The following TMEM222 variants were observed in gnomAD, a reference collection of about 807,000 sequenced individuals.
TMEM222 encodes the protein transmembrane protein 222, also known as chromosome 1 open reading frame 160.
Under a neutral mutation model 25.1 loss-of-function variants are expected in TMEM222, and 18 were observed. The ratio of observed to expected loss-of-function variants is 0.72; its 90% CI spans 0.50 to 1.06. TMEM222 has a LOEUF of 1.06. TMEM222 is among the 50% of genes least tolerant of loss of function. The probability of loss-of-function intolerance (pLI) is 0.00; values close to 1 mark genes in which losing one functional copy is unlikely to be tolerated. For missense variants in TMEM222, 296 were observed against 293.7 expected (o/e 1.01, Z -0.06); for synonymous variants, 131 against 117.9 (o/e 1.11, Z -0.72).
At position 27,335,892 on chromosome 1, in the gene TMEM222, G is replaced by A. The variant is rs138496948; in HGVS notation, c.*426G>A. On this transcript the variant is annotated 3_prime_UTR_variant, in exon 6 of 6. Coordinates refer to ENST00000374076, the MANE Select transcript of TMEM222 (RefSeq NM_032125.3). ...ATGGGGTGCACCGGGTACACTTAACGTGTCTCTATAAGCCAAGTTGCTTCA... is the reference window on the plus strand; with the variant it reads ...ATGGGGTGCACCGGGTACACTTAACATGTCTCTATAAGCCAAGTTGCTTCA... 1.9e-3 allele frequency: 383 copies of A among 201,754 alleles called. 5 individuals carry two copies. Among genetic ancestry groups the A allele is most frequent in the African/African-American group, 8.1e-3 (354 of 43,720 alleles). The allele number at this position is 201,754 out of a possible 1,614,324, so 12.5% of individuals were successfully genotyped here. A position where few individuals can be genotyped will look rare whatever the true frequency, so the allele number is the denominator to read the frequency against.
rs891057048 is a variant in TMEM222, at chr1:27,322,251, G to A, written c.54G>A (p.Pro18=). 1.3e-6 allele frequency: 2 copies of A among 1,523,010 alleles called. No individual in the cohort carries two copies. Among genetic ancestry groups the A allele is most frequent in the African/African-American group, 2.8e-5 (2 of 71,464 alleles). The allele number at this position is 1,523,010 out of a possible 1,614,324, so 94.3% of individuals were successfully genotyped here. The change falls in exon 1 of 6, where the codon CCG becomes CCA. Residue 18 remains proline, a synonymous_variant. Coordinates refer to ENST00000374076, the MANE Select transcript of TMEM222 (RefSeq NM_032125.3). ...TCTTGTTGCCGCCGCCGCCACCCCCGCCCAGGATGGCGGAAGTGGAGGCGC... is the reference window on the plus strand; with the variant it reads ...TCTTGTTGCCGCCGCCGCCACCCCCACCCAGGATGGCGGAAGTGGAGGCGC... ...SLLLLPPPPP[P]PRMAEVEAPT... is the part of the protein sequence containing the mutation.
In TMEM222 at chr1:27,327,650, A is replaced by G. The variant is rs2014384766; in HGVS notation, c.195-3070A>G. Among the ~76,000 whole-genome samples the G allele has an allele frequency of 2.6e-5, 4 of 152,176 alleles. No homozygotes were observed. In the South Asian group the frequency reaches 8.3e-4, roughly 32 times the overall value. ...GTCATCCACCGGCCTCTGCCTCCCA[A>G]AGTGCTGGGATTACAGGCGTGAGCC... On this transcript the variant is annotated intron_variant, in intron 1 of 5. Transcript: ENST00000374076.
At position 27,335,372 on chromosome 1, in the gene TMEM222, C is replaced by A; in HGVS notation, c.540-7C>A. The A allele has an allele frequency of 6.2e-7, 1 of 1,614,182 alleles. No individual in the cohort carries two copies. Among genetic ancestry groups the A allele is most frequent in the Non-Finnish European group, 8.5e-7 (1 of 1,179,968 alleles). The stretch of plus-strand genomic sequence containing the variant: ...CCCACCTATGCTCGCTCCTTTCTCT[C>A]TGTCAGCGTTGGGGCCTTCGTGAAG... On this transcript the variant is annotated splice_polypyrimidine_tract_variant and splice_region_variant and intron_variant, in intron 5 of 5. Transcript: ENST00000374076.
intron 3 of TMEM222, chr1:27,333,754 A>T: frequency 1.7e-6 from 1 of 588,264 alleles, no homozygotes; most frequent in Non-Finnish European, 3.0e-6. Context: ...ATTTCATTCC[A>T]TATCCCCCCA....
At chr1:27,333,686 G>C (rs2014536111) in intron 3 of TMEM222, 2 of 498,104 alleles carry the variant, frequency 4.0e-6, no homozygotes. Flanking sequence ...TCACCTTGAG[G>C]GTTAAGATTT....
At chr1:27,332,477 A>C (rs2014505068) in intron 3 of TMEM222, 1 of 718,054 alleles carries the variant, frequency 1.4e-6, no homozygotes, top group Admixed American at 2.0e-5. Flanking sequence ...GGAACAAATG[A>C]GGCATGGAAG....
intron 3 of TMEM222, chr1:27,332,637 C>T: frequency 1.5e-6 from 1 of 657,344 alleles, no homozygotes; most frequent in Non-Finnish European, 2.8e-6. Flanking sequence ...AGCTGTGGGC[C>T]TGGTGAGAGT....
rs183671069 is a variant in TMEM222 at position 27,333,830 on chromosome 1, A to G, written c.312-128A>G. On this transcript the variant is annotated intron_variant, in intron 3 of 5. Transcript: ENST00000374076. ...TTGACTGCCACATAACACTTGCCCC[A>G]GATCTGGCTTACTGTACATCTCAGC... is the stretch of plus-strand genomic sequence containing the variant. 1.8e-3 allele frequency: 1,326 copies of G among 742,112 alleles called. 1 individual carries two copies. The highest frequency in any genetic ancestry group is 2.6e-3 in the Non-Finnish European group (1,175 of 451,434). The allele number at this position is 742,112 out of a possible 1,614,324, so 46.0% of individuals were successfully genotyped here.
chr1:27,323,199 C>T (rs571008920), intron 1 of TMEM222, among the ~76,000 whole-genome samples: 32 of 152,320 alleles, frequency 2.1e-4, no homozygotes, highest in Non-Finnish European at 4.1e-4. Context: ...CTGCTTGTAG[C>T]ATTAAGTGTC....
Position 27,322,193 on chromosome 1 carries a change from G to T in TMEM222, c.-5G>T. The T allele has an allele frequency of 7.2e-7, 1 of 1,384,036 alleles. No homozygotes were observed. The highest frequency in any genetic ancestry group is 9.5e-7 in the Non-Finnish European group (1 of 1,058,150). 85.7% of individuals were successfully genotyped at this position (1,384,036 alleles called of 1,614,324 possible). On this transcript the variant is annotated 5_prime_UTR_variant, in exon 1 of 6. Coordinates refer to ENST00000374076, the MANE Select transcript of TMEM222 (RefSeq NM_032125.3). Reference sequence around the variant, plus strand: ...CGGGGCCAGTCGGAGCGGGGCGCGCGCCGCATGGCGGAAGCGGAAGGGAGT... The same window carrying T: ...CGGGGCCAGTCGGAGCGGGGCGCGCTCCGCATGGCGGAAGCGGAAGGGAGT...
At chr1:27,334,097 C>G in intron 4 of TMEM222, 43 bp downstream of exon 4, 1 of 1,613,972 alleles carries the variant, frequency 6.2e-7, no homozygotes, top group Non-Finnish European at 8.5e-7. Flanking sequence ...AGGTGGGGAC[C>G]AGGGGGGAGG....
intron 1 of TMEM222, 41 bp from the exon 2 acceptor site, chr1:27,330,679 A>T (rs998056031): frequency 1.3e-6 from 2 of 1,558,142 alleles, no homozygotes; most frequent in African/African-American, 1.4e-5. Context: ...TGGCTGAAAG[A>T]TCCCCTAAGC....
intron 3 of TMEM222, chr1:27,332,464 T>A (rs1264477536): frequency 2.8e-6 from 2 of 718,058 alleles, no homozygotes; most frequent in Non-Finnish European, 5.2e-6. Flanking sequence ...CTCCTGCCCT[T>A]TGGGAACAAA....
chr1:27,330,828 G>T, intron 2 of TMEM222, 24 bp downstream of exon 2: 1 of 1,611,530 alleles, frequency 6.2e-7, no homozygotes, highest in Non-Finnish European at 8.5e-7. Context: ...CTGCCCACCC[G>T]GGGGGTTCCA....
At chr1:27,333,313 C>T (rs568014654) in intron 3 of TMEM222, 1 of 471,014 alleles carries the variant, frequency 2.1e-6, no homozygotes, top group South Asian at 1.5e-5. Flanking sequence ...GAATGCCCAC[C>T]TCTTCTTTCT....
intron 2 of TMEM222, among the ~76,000 whole-genome samples, chr1:27,331,340 G>T (rs558355325): frequency 9.2e-5 from 14 of 152,282 alleles, no homozygotes; most frequent in East Asian, 3.9e-4. Flanking sequence ...GACTGAAGGG[G>T]TGTGGTGGCA....
rs1384450602 is a variant in TMEM222, at chr1:27,334,772, C to T, written c.539+491C>T. 12 of 1,148,114 alleles carry T rather than the reference C, an allele frequency of 1.0e-5. No individual in the cohort carries two copies. In the East Asian group the frequency reaches 1.8e-4, roughly 17 times the overall value. 71.1% of individuals were successfully genotyped at this position (1,148,114 alleles called of 1,614,324 possible). On this transcript the variant is annotated intron_variant, in intron 5 of 5. Coordinates refer to ENST00000374076, the MANE Select transcript of TMEM222 (RefSeq NM_032125.3). ...CAGCATAGGTTAGTGCTGATCTGGC[C>T]GCCTCTCCAAGCTTTCCTCTTAGCC...
chr1:27,325,175 A>G (rs1346164171), intron 1 of TMEM222: 1 of 376,052 alleles, frequency 2.7e-6, no homozygotes, highest in Non-Finnish European at 5.1e-6. Flanking sequence ...AGATCTGTCT[A>G]CCCCCTCAGA....
At chr1:27,326,465 A>G (rs2014353899) in intron 1 of TMEM222, among the ~76,000 whole-genome samples, 1 of 152,136 alleles carries the variant, frequency 6.6e-6, no homozygotes, top group Non-Finnish European at 1.5e-5. Flanking sequence ...CTGTTATGTG[A>G]GAACATTAGG....
Sources: gnomAD v4.1 joint callset for allele counts (sites outside exome capture counted in the v4.1 genomes callset) on GRCh38, gnomAD v4.1.1 for gene constraint, MANE v1.5 for transcripts, NCBI Gene and HGNC (gene_info 2026-07-23, HGNC 2026-07-21) for gene names.